Variants in PCDHGB2 observed in about 807,000 individuals in gnomAD.
PCDHGB2 encodes protocadherin gamma-B2.
Under a neutral mutation model 59.3 loss-of-function variants are expected in PCDHGB2, and 55 were observed. The observed-to-expected ratio is 0.93, with a 90% CI of 0.75 to 1.16. The LOEUF is 1.16. PCDHGB2 is among the 50% of genes most tolerant of loss of function. The pLI, the probability that PCDHGB2 is intolerant of heterozygous loss-of-function variation, is 0.00. For missense variants in PCDHGB2, 1,228 were observed against 1,198.5 expected, an observed-to-expected ratio of 1.02 and a Z score of -0.36; for synonymous variants, 516 against 512.0, an observed-to-expected ratio of 1.01 and a Z score of -0.11.
At chr5:141,403,172 C>T in intron 1 of PCDHGB2, 1 of 1,614,018 alleles carries the variant, frequency 6.2e-7, no homozygotes, top group Non-Finnish European at 8.5e-7. Context: ...TAGGACGCAG[C>T]TTTTCTCTCT....
chr5:141,395,439 A>G, intron 1 of PCDHGB2: 1 of 679,568 alleles, frequency 1.5e-6, no homozygotes, highest in Non-Finnish European at 2.3e-6. Context: ...AACGACTTGG[A>G]AAAGATTGTT....
At position 141,477,751 on chromosome 5, in the gene PCDHGB2, G is replaced by T; in HGVS notation, c.2422-17056G>T. 1.2e-6 allele frequency: 2 copies of T among 1,613,830 alleles called. No homozygotes were observed. Among genetic ancestry groups the T allele is most frequent in the Non-Finnish European group, 1.7e-6 (2 of 1,180,022 alleles). On this transcript the variant is annotated intron_variant, in intron 1 of 3. Coordinates refer to ENST00000522605, the MANE Select transcript of PCDHGB2 (RefSeq NM_018923.3). This position sits in a 1 kb window ranked among gnomAD's most constrained non-coding sequence, Gnocchi z 4.9. ...CTCATATCAGCGATGGGGGCACCCC[G>T]GTCCTAGCCACCAACATCAGCGTGA...
chr5:141,414,828 G>T (rs780047810), intron 1 of PCDHGB2: 1 of 1,614,210 alleles, frequency 6.2e-7, no homozygotes, highest in East Asian at 2.2e-5. Context: ...GCAACGTGTC[G>T]TTGAGCCTGT....
rs1164046040 is a variant in PCDHGB2, at chr5:141,476,557, C to A, written c.2422-18250C>A. ...AAATGAAATTGGAGATTAGCGAGGC[C>A]GTGGCTCCGGGGACGCGCTTTCCGC... is the stretch of plus-strand genomic sequence containing the variant. On this transcript the variant is annotated intron_variant, in intron 1 of 3. Transcript: ENST00000522605. This position sits in a 1 kb window ranked among gnomAD's most constrained non-coding sequence, Gnocchi z 7.6. The A allele has an allele frequency of 2.5e-6, 4 of 1,614,222 alleles. No individual in the cohort carries two copies. Among genetic ancestry groups the A allele is most frequent in the Admixed American group, 3.3e-5 (2 of 60,032 alleles).
chr5:141,488,428 C>A (rs1234461104), intron 1 of PCDHGB2, among the ~76,000 whole-genome samples: 1 of 152,186 alleles, frequency 6.6e-6, no homozygotes, highest in Non-Finnish European at 1.5e-5. Context: ...CATGCTTGGC[C>A]TCTGACCACC....
intron 1 of PCDHGB2, chr5:141,418,465 A>G (rs2096261082): frequency 6.2e-7 from 1 of 1,614,022 alleles, no homozygotes; most frequent in Non-Finnish European, 8.5e-7. Context: ...CTCTGGACCG[A>G]GAAACGCAGA....
intron 1 of PCDHGB2, among the ~76,000 whole-genome samples, chr5:141,462,269 T>C (rs2099036247): frequency 6.6e-6 from 1 of 152,230 alleles, no homozygotes; most frequent in Admixed American, 6.5e-5. Context: ...CTAAAGTGTA[T>C]TGTTTAGTCA....
intron 1 of PCDHGB2, among the ~76,000 whole-genome samples, chr5:141,492,329 C>T (rs2099739386): frequency 1.3e-5 from 2 of 152,232 alleles, no homozygotes; most frequent in African/African-American, 4.8e-5. Context: ...CGTGGGCTTA[C>T]GCGAATACCA....
chr5:141,414,429 G>A (rs1372056104), intron 1 of PCDHGB2: 1 of 1,613,860 alleles, frequency 6.2e-7, no homozygotes, highest in Non-Finnish European at 8.5e-7. Flanking sequence ...ACAGGGAACA[G>A]GTATCCTCTT....
chr5:141,364,495 G>A, intron 1 of PCDHGB2: 2 of 1,614,036 alleles, frequency 1.2e-6, no homozygotes, highest in Non-Finnish European at 1.7e-6. Flanking sequence ...TTGGGCTGGA[G>A]CCCCAGGAGC....
intron 1 of PCDHGB2, chr5:141,413,055 C>G: frequency 9.8e-7 from 1 of 1,019,544 alleles, no homozygotes; most frequent in Non-Finnish European, 1.4e-6. Flanking sequence ...GGGAAGCTCA[C>G]TCCAGAATTT....
At chr5:141,456,971 A>G (rs1031714073) in intron 1 of PCDHGB2, among the ~76,000 whole-genome samples, 1 of 147,384 alleles carries the variant, frequency 6.8e-6, no homozygotes, top group Non-Finnish European at 1.5e-5. Context: ...TCAAAACAAA[A>G]CAAACAAACA....
At chr5:141,422,100 A>G (rs1019775470) in intron 1 of PCDHGB2, 2 of 1,609,786 alleles carry the variant, frequency 1.2e-6, no homozygotes, top group Non-Finnish European at 1.7e-6. Context: ...AGGCTTCTGA[A>G]ATATTCCAAT....
At position 141,477,596 on chromosome 5, in the gene PCDHGB2, T is replaced by G. The variant is rs1364779381; in HGVS notation, c.2422-17211T>G. ...CGCCCCGCAGAATGCTCGGCTTTCTTTCTTTCTCTTGGAGCAAGGAGCTGA... is the reference window on the plus strand; with the variant it reads ...CGCCCCGCAGAATGCTCGGCTTTCTGTCTTTCTCTTGGAGCAAGGAGCTGA... On this transcript the variant is annotated intron_variant, in intron 1 of 3. Transcript: ENST00000522605. This position sits in a 1 kb window ranked among gnomAD's most constrained non-coding sequence, Gnocchi z 4.9. The G allele has an allele frequency of 6.2e-7, 1 of 1,614,184 alleles. No individual in the cohort carries two copies. The highest frequency in any genetic ancestry group is 1.1e-5 in the South Asian group (1 of 91,086).
At chr5:141,433,837 C>CAAAA (rs56191208) in intron 1 of PCDHGB2, among the ~76,000 whole-genome samples, 6 of 111,700 alleles carry the variant, frequency 5.4e-5, no homozygotes, top group African/African-American at 1.9e-4. Flanking sequence ...AACTCTATCT[C>CAAAA]AAAAAAAAAA....
At chr5:141,399,041 T>A (rs375762745) in intron 1 of PCDHGB2, 150 of 1,613,746 alleles carry the variant, frequency 9.3e-5, no homozygotes, top group Non-Finnish European at 1.2e-4. Context: ...AAACTGGATT[T>A]TGAAGAGACC....
At chr5:141,415,095 C>A (rs1045755927) in intron 1 of PCDHGB2, 2 of 1,613,466 alleles carry the variant, frequency 1.2e-6, no homozygotes, top group East Asian at 2.2e-5. Flanking sequence ...TGGACAGAGA[C>A]GCGCTCAAGC....
intron 1 of PCDHGB2, chr5:141,428,501 C>A (rs970043746): frequency 8.4e-5 from 24 of 285,544 alleles, no homozygotes; most frequent in African/African-American, 3.9e-4. Context: ...TATGTTCCCT[C>A]GGATTCTAGA....
In PCDHGB2 at chr5:141,491,908, G is replaced by T; in HGVS notation, c.2422-2899G>T. ...GGGGCTCCGAGCACCGGGGGTGGTG[G>T]CGACTGTGGGCGAGGGGAGGTGGGA... On this transcript the variant is annotated intron_variant, in intron 1 of 3. Transcript: ENST00000522605. The surrounding 1 kb of genome is among the most constrained non-coding windows in gnomAD (Gnocchi z 6.9). 7.1e-7 allele frequency: 1 copy of T among 1,408,288 alleles called. No homozygotes were observed. Among genetic ancestry groups the T allele is most frequent in the Non-Finnish European group, 9.4e-7 (1 of 1,060,836 alleles). The allele number at this position is 1,408,288 out of a possible 1,614,324, so 87.2% of individuals were successfully genotyped here. A position where few individuals can be genotyped will look rare whatever the true frequency, so the allele number is the denominator to read the frequency against.
Sources: gnomAD v4.1 joint callset for allele counts (sites outside exome capture counted in the v4.1 genomes callset) on GRCh38, gnomAD v4.1.1 for gene constraint, Gnocchi (gnomAD v3.1) non-coding constraint, MANE v1.5 for transcripts, NCBI Gene and HGNC (gene_info 2026-07-23, HGNC 2026-07-21) for gene names.